TGFA: variants seen among roughly 807,000 people sequenced by gnomAD.
TGFA encodes the protein transforming growth factor alpha.
Under a neutral mutation model 21.7 loss-of-function variants are expected in TGFA, and 12 were observed. The ratio of observed to expected loss-of-function variants is 0.55; its 90% CI spans 0.35 to 0.90. The LOEUF (loss-of-function observed/expected upper bound fraction) is 0.90. TGFA is among the 40% of genes least tolerant of loss of function. The pLI is 0.01. For missense variants in TGFA, 178 were observed against 210.8 expected (o/e 0.84, Z 0.96); for synonymous variants, 79 against 88.1 (o/e 0.90, Z 0.58).
At chr2:70,538,650 G>A (rs1673044549) in intron 1 of TGFA, among the ~76,000 whole-genome samples, 2 of 152,186 alleles carry the variant, frequency 1.3e-5, no homozygotes, top group South Asian at 4.1e-4. Context: ...CTGAATTGCT[G>A]CAATTTCAAT....
At chr2:70,511,567 T>A (rs1672100569) in intron 2 of TGFA, among the ~76,000 whole-genome samples, 1 of 152,218 alleles carries the variant, frequency 6.6e-6, no homozygotes, top group South Asian at 2.1e-4. Context: ...ATCATCTACC[T>A]TCCATATCTG....
At chr2:70,470,883 T>C (rs1207381123) in intron 2 of TGFA, among the ~76,000 whole-genome samples, 2 of 152,192 alleles carry the variant, frequency 1.3e-5, no homozygotes, top group Admixed American at 1.3e-4. Flanking sequence ...ACAACCATGA[T>C]ACATTCACTC....
intron 2 of TGFA, among the ~76,000 whole-genome samples, chr2:70,489,960 C>G (rs1334741356): frequency 1.3e-5 from 2 of 152,184 alleles, no homozygotes; most frequent in African/African-American, 4.8e-5. Context: ...TTGCAGTCAC[C>G]TTGGAAAAGT....
chr2:70,498,850 G>A (rs947203861), intron 2 of TGFA, among the ~76,000 whole-genome samples: 16 of 152,170 alleles, frequency 1.1e-4, no homozygotes, highest in African/African-American at 3.4e-4. Context: ...CTGTGTTAGA[G>A]TCAGGATTCA....
intron 2 of TGFA, among the ~76,000 whole-genome samples, chr2:70,473,598 A>G (rs1393720882): frequency 6.6e-6 from 1 of 152,008 alleles, no homozygotes; most frequent in Non-Finnish European, 1.5e-5. Flanking sequence ...AGTTACGGAA[A>G]GGGAATCCCT....
chr2:70,552,787 A>G (rs1261924329), intron 1 of TGFA, among the ~76,000 whole-genome samples: 1 of 152,216 alleles, frequency 6.6e-6, no homozygotes, highest in East Asian at 1.9e-4. Context: ...ATACGGGTTA[A>G]ACTCGGGGCA....
At chr2:70,551,526 G>C (rs1158138773) in intron 1 of TGFA, among the ~76,000 whole-genome samples, 1 of 152,162 alleles carries the variant, frequency 6.6e-6, no homozygotes, top group Non-Finnish European at 1.5e-5. Context: ...GATTCTCCTG[G>C]AACTGCCTTC....
chr2:70,553,204 G>A, intron 1 of TGFA: 1 of 1,536,190 alleles, frequency 6.5e-7, no homozygotes, highest in Non-Finnish European at 8.7e-7. Context: ...CAAGAGCTCT[G>A]AAAAGAGATC....
At chr2:70,485,273 C>T (rs1457520867) in intron 2 of TGFA, among the ~76,000 whole-genome samples, 1 of 152,154 alleles carries the variant, frequency 6.6e-6, no homozygotes, top group African/African-American at 2.4e-5. Flanking sequence ...GACTCTTGCC[C>T]TGTCACCCAG....
At chr2:70,503,453 T>C (rs374884027) in intron 2 of TGFA, among the ~76,000 whole-genome samples, 1 of 150,862 alleles carries the variant, frequency 6.6e-6, no homozygotes, top group Non-Finnish European at 1.5e-5. Context: ...AGGGATAGCA[T>C]TAGGAGATAT....
chr2:70,534,487 G>A (rs1168778398), intron 1 of TGFA, among the ~76,000 whole-genome samples: 1 of 152,042 alleles, frequency 6.6e-6, no homozygotes, highest in African/African-American at 2.4e-5. Context: ...ACTCACTGGG[G>A]GACAGACTGC....
chr2:70,525,319 C>T (rs1672600746), intron 1 of TGFA, among the ~76,000 whole-genome samples: 1 of 152,150 alleles, frequency 6.6e-6, no homozygotes, highest in African/African-American at 2.4e-5. Flanking sequence ...ATCAATGCAG[C>T]ATCAGCCTGG....
chr2:70,504,473 C>CATATATATATAT lies in TGFA; in HGVS notation c.94+10385_94+10386insATATATATATAT, dbSNP rs376988843. On this transcript the variant is annotated intron_variant, in intron 2 of 5. Coordinates refer to ENST00000295400, the MANE Select transcript of TGFA (RefSeq NM_003236.4). Reference sequence around the variant, plus strand: ...ATATATATATATATATACACACATACATACATACATACACACACACACACA... The same window carrying CATATATATATAT: ...ATATATATATATATATACACACATACATATATATATATATACATACATACACACACACACACA... Among the ~76,000 whole-genome samples, 66 of 78,778 alleles carry CATATATATATAT rather than the reference C, an allele frequency of 8.4e-4. 1 individual carries two copies. The East Asian group carries it at 0.019, about 22-fold the overall frequency. 51.7% of individuals were successfully genotyped at this position (78,778 alleles called of 152,430 possible).
chr2:70,521,728 C>T (rs1553502347), intron 1 of TGFA, among the ~76,000 whole-genome samples: 1 of 144,724 alleles, frequency 6.9e-6, no homozygotes, highest in South Asian at 2.2e-4. Context: ...GATTCTTCTG[C>T]CTCCGCCTCC....
intron 1 of TGFA, among the ~76,000 whole-genome samples, chr2:70,531,994 G>A (rs1269887917): frequency 5.9e-5 from 9 of 152,172 alleles, no homozygotes; most frequent in Non-Finnish European, 8.8e-5. Context: ...AGAGACACTC[G>A]TTGGTATTGA....
rs531689890 is a variant in TGFA, at chr2:70,484,552, C to T, written c.95-18816G>A. Among the ~76,000 whole-genome samples the T allele has an allele frequency of 2.6e-5, 4 of 152,300 alleles. No individual in the cohort carries two copies. The South Asian group carries it at 8.3e-4, about 32-fold the overall frequency. ...CTCAGGTTTTCTTTTAGGGAATTAC[C>T]TCTTCCCCTACAGGTTTACATTGGC... On this transcript the variant is annotated intron_variant, in intron 2 of 5. Transcript: ENST00000295400.
chr2:70,547,108 T>C lies in TGFA; in HGVS notation c.40+6620A>G, dbSNP rs1673328899. ...GTTATGCCCACTTAAAATTTGTAGC[T>C]ATTGCCACGCTGACTTTTAAAAAAA... On this transcript the variant is annotated intron_variant, in intron 1 of 5. Coordinates refer to ENST00000295400, the MANE Select transcript of TGFA (RefSeq NM_003236.4). Among the ~76,000 whole-genome samples the C allele has an allele frequency of 2.0e-5, 3 of 152,194 alleles. No homozygotes were observed. In the South Asian group the frequency reaches 6.2e-4, roughly 31 times the overall value.
At chr2:70,493,538 C>T (rs529579008) in intron 2 of TGFA, among the ~76,000 whole-genome samples, 38 of 152,296 alleles carry the variant, frequency 2.5e-4, no homozygotes, top group South Asian at 1.5e-3. Context: ...TTTGCCTCCA[C>T]AGTACCCTCT....
intron 2 of TGFA, among the ~76,000 whole-genome samples, chr2:70,497,126 C>G (rs1261237698): frequency 6.6e-6 from 1 of 152,102 alleles, no homozygotes; most frequent in Non-Finnish European, 1.5e-5. Context: ...AGAAAGGAGA[C>G]CAGGGAACCG....
Sources: allele counts gnomAD v4.1 joint callset (sites outside exome capture counted in the v4.1 genomes callset), GRCh38; gene constraint gnomAD v4.1.1; transcripts MANE v1.5; gene names NCBI Gene and HGNC (gene_info 2026-07-23, HGNC 2026-07-21).